The following TMEM260 variants were observed in gnomAD, a reference collection of about 807,000 sequenced individuals.
TMEM260 encodes the protein protein O-mannosyl-transferase TMEM260.
In TMEM260, 82 loss-of-function variants were observed where a neutral mutation model predicts 88.9. The ratio of observed to expected loss-of-function variants is 0.92; its 90% confidence interval spans 0.77 to 1.11. The LOEUF (loss-of-function observed/expected upper bound fraction) is 1.11. Ranked by LOEUF, TMEM260 falls within the 50% of genes least tolerant of loss-of-function variation. The pLI is 0.00. For synonymous variants in TMEM260, 314 were observed against 309.3 expected (o/e 1.02, Z -0.16); for missense variants, 902 against 853.4 (o/e 1.06, Z -0.71).
Position 56,579,926 on chromosome 14 carries a change from TG to T in TMEM260, c.14del (p.Gly5AlafsTer52). The T allele has an allele frequency of 8.1e-7, 1 of 1,234,698 alleles. No individual in the cohort carries two copies. Among genetic ancestry groups the T allele is most frequent in the Non-Finnish European group, 1.0e-6 (1 of 987,940 alleles). 76.5% of individuals were successfully genotyped at this position (1,234,698 alleles called of 1,614,324 possible). On this transcript the variant is annotated frameshift_variant, in exon 1 of 16. Transcript: ENST00000261556. LOFTEE classifies it high-confidence loss of function. ...GTCGCCACTGGCCCATGAGTCCCCATGGCGACGGCAGGGGCCAGGCCCAGGG... is the reference window on the plus strand; with the variant it reads ...GTCGCCACTGGCCCATGAGTCCCCATGCGACGGCAGGGGCCAGGCCCAGGG... Reference protein sequence around the residue: MSPHGDGRGQAQGRA... With the variant: MSPHXDGRGQAQGRA...
rs1888726321 is a variant in TMEM260, at chr14:56,632,939, TTAACA to T, written c.1548-54_1548-50del. On this transcript the variant is annotated intron_variant, in intron 12 of 15. Coordinates refer to ENST00000261556, the MANE Select transcript of TMEM260 (RefSeq NM_017799.4). ...ATGATCTTTCATGAATTATATTTAC[TTAACA>T]TTTAAAACTTTAAATTTTAAGTACA... 44 of 1,456,282 alleles carry T rather than the reference TTAACA, an allele frequency of 3.0e-5. No homozygotes were observed. In the South Asian group the frequency reaches 5.2e-4, roughly 17 times the overall value. 90.2% of individuals were successfully genotyped at this position (1,456,282 alleles called of 1,614,324 possible). A position where few individuals can be genotyped will look rare whatever the true frequency, so the allele number is the denominator to read the frequency against.
chr14:56,580,966 A>G (rs1885089790), intron 1 of TMEM260, among the ~76,000 whole-genome samples: 1 of 152,184 alleles, frequency 6.6e-6, no homozygotes, highest in Non-Finnish European at 1.5e-5. Context: ...GTTTTTGTAA[A>G]TCAGGAGTCT....
intron 10 of TMEM260, among the ~76,000 whole-genome samples, chr14:56,620,172 A>G (rs1193261874): frequency 1.3e-5 from 2 of 152,208 alleles, no homozygotes; most frequent in Non-Finnish European, 2.9e-5. Context: ...AGGATCAGAA[A>G]AAAATAACTA....
chr14:56,653,032 G>T (rs1890233099), downstream of TMEM260, among the ~76,000 whole-genome samples: 1 of 151,798 alleles, frequency 6.6e-6, no homozygotes, highest in South Asian at 2.1e-4. Flanking sequence ...GGTGGCTCAT[G>T]CCTGTAATCC....
downstream of TMEM260, among the ~76,000 whole-genome samples, chr14:56,652,705 A>G (rs1057320584): frequency 6.6e-6 from 1 of 152,214 alleles, no homozygotes; most frequent in Non-Finnish European, 1.5e-5. Context: ...GCTTAAAACA[A>G]GCAACTTCAC....
chr14:56,588,941 T>G (rs1885683698), intron 3 of TMEM260, among the ~76,000 whole-genome samples: 1 of 152,052 alleles, frequency 6.6e-6, no homozygotes. Context: ...AATGCCCTAT[T>G]CTATTTGAAA....
intron 15 of TMEM260, among the ~76,000 whole-genome samples, chr14:56,640,145 T>A (rs904346895): frequency 2.0e-5 from 3 of 152,188 alleles, no homozygotes; most frequent in African/African-American, 4.8e-5. Context: ...TTGAAGAGAA[T>A]AGTGGTTCTC....
chr14:56,585,445 C>CT (rs1325620558), intron 2 of TMEM260, among the ~76,000 whole-genome samples: 1 of 152,040 alleles, frequency 6.6e-6, no homozygotes, highest in Non-Finnish European at 1.5e-5. Context: ...TCAGAACCTG[C>CT]TTTTTTTCAA....
At chr14:56,617,108 T>C in intron 8 of TMEM260, 75 bp from the exon 9 acceptor site, 1 of 894,686 alleles carries the variant, frequency 1.1e-6, no homozygotes, top group South Asian at 2.3e-5. Context: ...GATCTAATAG[T>C]TTAAAGTCCT....
At chr14:56,659,622 G>A in the TMEM260 span, among the ~76,000 whole-genome samples, 1 of 152,122 alleles carries the variant, frequency 6.6e-6, no homozygotes, top group Non-Finnish European at 1.5e-5. Context: ...AAAGCCACTG[G>A]GCTCACACCC....
intron 6 of TMEM260, among the ~76,000 whole-genome samples, chr14:56,610,188 T>C (rs1887165508): frequency 6.6e-6 from 1 of 152,106 alleles, no homozygotes; most frequent in Non-Finnish European, 1.5e-5. Context: ...GGGAGATACC[T>C]TATGATATTG....
chr14:56,629,448 C>T (rs1430448065), intron 12 of TMEM260, among the ~76,000 whole-genome samples: 1 of 145,302 alleles, frequency 6.9e-6, no homozygotes, highest in African/African-American at 2.5e-5. Flanking sequence ...GTTTTTATTT[C>T]AGTTGTCATA....
chr14:56,655,923 T>A, the TMEM260 span, among the ~76,000 whole-genome samples: 2 of 152,128 alleles, frequency 1.3e-5, no homozygotes, highest in African/African-American at 4.8e-5. Flanking sequence ...CAACTCTAGT[T>A]CATATTGCTT....
intron 12 of TMEM260, among the ~76,000 whole-genome samples, chr14:56,632,154 CT>C (rs1403550600): frequency 6.6e-6 from 1 of 152,180 alleles, no homozygotes; most frequent in Non-Finnish European, 1.5e-5. Context: ...CTCTCTGCAT[CT>C]CTCTCCTTTC....
chr14:56,651,318 TTTTTCAGGAA>T (rs1890202436), downstream of TMEM260, among the ~76,000 whole-genome samples: 1 of 146,334 alleles, frequency 6.8e-6, no homozygotes, highest in Non-Finnish European at 1.5e-5. Flanking sequence ...GAAAAAGGGG[TTTTTCAGGAA>T]AAAAAAAAAT....
intron 5 of TMEM260, among the ~76,000 whole-genome samples, chr14:56,606,899 AAAATAAAT>A (rs547579931): frequency 1.3e-5 from 2 of 152,164 alleles, no homozygotes; most frequent in East Asian, 1.9e-4. Flanking sequence ...CGTCTCCAAA[AAAATAAAT>A]AAATAAATAA....
chr14:56,584,199 G>T (rs1885335529), intron 1 of TMEM260, among the ~76,000 whole-genome samples: 1 of 152,076 alleles, frequency 6.6e-6, no homozygotes, highest in Non-Finnish European at 1.5e-5. Flanking sequence ...ATCTATGAAA[G>T]GATAGGAAGT....
At chr14:56,617,745 A>G (rs959018828) in intron 9 of TMEM260, among the ~76,000 whole-genome samples, 2 of 152,136 alleles carry the variant, frequency 1.3e-5, no homozygotes. Flanking sequence ...TATTTCTTCT[A>G]CTTACAATAG....
At chr14:56,661,822 C>G in the TMEM260 span, among the ~76,000 whole-genome samples, 1 of 152,168 alleles carries the variant, frequency 6.6e-6, no homozygotes, top group African/African-American at 2.4e-5. Context: ...TGTTACTTTA[C>G]AAATGGCCTT....
Sources: allele counts gnomAD v4.1 joint callset (sites outside exome capture counted in the v4.1 genomes callset), GRCh38; gene constraint gnomAD v4.1.1; transcripts MANE v1.5; gene names NCBI Gene and HGNC (gene_info 2026-07-23, HGNC 2026-07-21).